ZBTB17: variants seen among roughly 807,000 people sequenced by gnomAD.
ZBTB17 encodes zinc finger and BTB domain containing 17.
ZBTB17 carries 24 observed loss-of-function variants against 85.1 expected under a neutral mutation model. The ratio of observed to expected loss-of-function variants is 0.28; its 90% confidence interval spans 0.20 to 0.40. ZBTB17 has a LOEUF of 0.40. Among genes scored for constraint, ZBTB17 ranks in the 10% least tolerant of loss-of-function variants. The pLI, the probability that ZBTB17 is intolerant of heterozygous loss-of-function variation, is 1.00. For missense variants in ZBTB17, 743 were observed against 1,105.1 expected (o/e 0.67, Z 4.65); for synonymous variants, 464 against 460.2 (o/e 1.01, Z -0.11).
In ZBTB17 at chr1:15,945,217, G is replaced by T; in HGVS notation, c.662-15C>A. ...CACCTCCATTTCTGCGGAGAAAAGGGCAAGCATGGAGGCGGCAGCCCTCTC... is the reference window on the plus strand; with the variant it reads ...CACCTCCATTTCTGCGGAGAAAAGGTCAAGCATGGAGGCGGCAGCCCTCTC... On this transcript the variant is annotated splice_polypyrimidine_tract_variant and intron_variant, in intron 6 of 15. Transcript: ENST00000375743. 2 of 1,550,018 alleles carry T rather than the reference G, an allele frequency of 1.3e-6. No individual in the cohort carries two copies. The highest frequency in any genetic ancestry group is 8.7e-7 in the Non-Finnish European group (1 of 1,146,812).
At position 15,945,875 on chromosome 1, in the gene ZBTB17, C is replaced by T. The variant is rs111380200; in HGVS notation, c.536-35G>A. On this transcript the variant is annotated intron_variant, in intron 5 of 15. Coordinates refer to ENST00000375743, the MANE Select transcript of ZBTB17 (RefSeq NM_003443.3). Reference sequence around the variant, plus strand: ...GGAAGCACCGGAGGCTGGATTGCTACCCTCTGCCCAGGGGTCGGATACCTC... The same window carrying T: ...GGAAGCACCGGAGGCTGGATTGCTATCCTCTGCCCAGGGGTCGGATACCTC... The T allele has an allele frequency of 1.8e-5, 29 of 1,574,552 alleles. No individual in the cohort carries two copies. The African/African-American group carries it at 2.0e-4, about 11-fold the overall frequency.
chr1:15,975,078 G>C (rs1211751239), intron 1 of ZBTB17, among the ~76,000 whole-genome samples: 1 of 152,224 alleles, frequency 6.6e-6, no homozygotes, highest in African/African-American at 2.4e-5. Flanking sequence ...GTGCTTCAGA[G>C]GAAGGAGGGC....
At chr1:15,968,469 A>C (rs1005203976) in intron 2 of ZBTB17, among the ~76,000 whole-genome samples, 2 of 152,212 alleles carry the variant, frequency 1.3e-5, no homozygotes, top group Non-Finnish European at 2.9e-5. Context: ...GCCTCGGATC[A>C]TAATTGAGGT....
At position 15,973,049 on chromosome 1, in the gene ZBTB17, C is replaced by T. The variant is rs2072740031; in HGVS notation, c.-13G>A. ...GTATTACAGACATACCTCAGATTTC[C>T]AGACAGCCCAGGCTACTCTTTTCTG... is the stretch of plus-strand genomic sequence containing the variant. On this transcript the variant is annotated 5_prime_UTR_variant, in exon 2 of 16. It introduces an in-frame stop codon into an upstream open reading frame of the 5' UTR. Coordinates refer to ENST00000375743, the MANE Select transcript of ZBTB17 (RefSeq NM_003443.3). This position sits in a 1 kb window ranked among gnomAD's most constrained non-coding sequence, Gnocchi z 4.1. The T allele has an allele frequency of 6.6e-6, 1 of 152,212 alleles. No homozygotes were observed. Among genetic ancestry groups the T allele is most frequent in the African/African-American group, 2.4e-5 (1 of 41,452 alleles). The allele number at this position is 152,212 out of a possible 1,614,324, so 9.4% of individuals were successfully genotyped here. A position where few individuals can be genotyped will look rare whatever the true frequency, so the allele number is the denominator to read the frequency against.
rs1177576538 is a variant in ZBTB17, at chr1:15,943,902, C to T, written c.1372-7G>A. On this transcript the variant is annotated splice_region_variant and splice_polypyrimidine_tract_variant and intron_variant, in intron 9 of 15. Transcript: ENST00000375743. ...GGGCCTTCAGGTTCCCTACCTGTGC[C>T]CAGGGAGGGGTCAGGGGGGCCACCC... 1 of 1,589,618 alleles carries T rather than the reference C, an allele frequency of 6.3e-7. No individual in the cohort carries two copies. The highest frequency in any genetic ancestry group is 1.3e-5 in the African/African-American group (1 of 74,474).
chr1:15,942,987 G>C, intron 13 of ZBTB17, 77 bp downstream of exon 13: 1 of 1,581,638 alleles, frequency 6.3e-7, no homozygotes, highest in Non-Finnish European at 8.6e-7. Context: ...GGGTCTGGGG[G>C]GTCCCTTCCT....
Position 15,944,586 on chromosome 1 carries a change from T to C in ZBTB17, c.1085A>G (p.Tyr362Cys). Reference protein sequence around the residue: ...HEKTHSPLKPYGCEECGKSYR... With the variant: ...HEKTHSPLKPCGCEECGKSYR... ...GCTCTTCCCGCACTCCTCGCAGCCG[T>C]AGGGCTTCAGAGGGCTGCAGGGCCA... Residue 362 changes from tyrosine (Y) to cysteine (C), a missense_variant, in exon 9 of 16, where the codon TAC becomes TGC. Tyr to Cys is a radical substitution (Grantham distance 194). Transcript: ENST00000375743. The C allele has an allele frequency of 1.3e-6, 2 of 1,599,266 alleles. No individual in the cohort carries two copies. Among genetic ancestry groups the C allele is most frequent in the Non-Finnish European group, 1.7e-6 (2 of 1,179,410 alleles).
intron 2 of ZBTB17, among the ~76,000 whole-genome samples, chr1:15,957,134 G>T (rs569968232): frequency 2.7e-5 from 4 of 150,292 alleles, no homozygotes; most frequent in Non-Finnish European, 3.0e-5. Context: ...AGCCAAGATC[G>T]TGCCACTGCA....
chr1:15,943,046 G>T lies in ZBTB17; in HGVS notation c.1828+18C>A. ...CAGGGCCTGGGAAGGAACAGGCATG[G>T]TAGGGGCCACAGCTCACCAGTGTGA... On this transcript the variant is annotated intron_variant, in intron 13 of 15. Coordinates refer to ENST00000375743, the MANE Select transcript of ZBTB17 (RefSeq NM_003443.3). The T allele has an allele frequency of 6.2e-7, 1 of 1,613,842 alleles. No individual in the cohort carries two copies. Among genetic ancestry groups the T allele is most frequent in the African/African-American group, 1.3e-5 (1 of 75,044 alleles).
chr1:15,954,504 C>G (rs1408271064), intron 2 of ZBTB17, among the ~76,000 whole-genome samples: 1 of 152,184 alleles, frequency 6.6e-6, no homozygotes, highest in African/African-American at 2.4e-5. Context: ...AGAAGGATCA[C>G]CATTTGGCTT....
chr1:15,970,783 G>A (rs922764870), intron 2 of ZBTB17, among the ~76,000 whole-genome samples: 11 of 152,076 alleles, frequency 7.2e-5, no homozygotes, highest in Non-Finnish European at 1.6e-4. Context: ...TCCTGACCTC[G>A]TGATCCACCC....
chr1:15,969,792 G>A (rs577330627), intron 2 of ZBTB17: 2 of 527,142 alleles, frequency 3.8e-6, no homozygotes, highest in South Asian at 3.1e-5. Context: ...GAGAGGGGAT[G>A]TGCATCCCTC....
chr1:15,957,789 G>A (rs1038821176), intron 2 of ZBTB17, among the ~76,000 whole-genome samples: 1 of 152,114 alleles, frequency 6.6e-6, no homozygotes. Context: ...AAGCAGATGT[G>A]CGTTGTGACA....
At chr1:15,956,080 CAG>C (rs1450710505) in intron 2 of ZBTB17, among the ~76,000 whole-genome samples, 1 of 152,238 alleles carries the variant, frequency 6.6e-6, no homozygotes, top group Non-Finnish European at 1.5e-5. Context: ...AAGCTCAACA[CAG>C]GGTAAATTAA....
intron 2 of ZBTB17, 21 bp from the exon 3 acceptor site, chr1:15,948,518 T>G (rs547219142): frequency 6.2e-7 from 1 of 1,610,418 alleles, no homozygotes; most frequent in African/African-American, 1.3e-5. Context: ...CCAAAGGGCG[T>G]TGGGGTTAGC....
At chr1:15,969,532 T>G (rs1411640197) in intron 2 of ZBTB17, 1 of 344,396 alleles carries the variant, frequency 2.9e-6, no homozygotes, top group South Asian at 2.2e-5. Context: ...GAGGCAGTAG[T>G]GTGGGGACTC....
At chr1:15,962,937 G>A (rs980567040) in intron 2 of ZBTB17, among the ~76,000 whole-genome samples, 3 of 151,976 alleles carry the variant, frequency 2.0e-5, no homozygotes, top group Non-Finnish European at 4.4e-5. Context: ...GAGCAACAGC[G>A]AGACCCTGTT....
At chr1:15,946,420 T>A in intron 4 of ZBTB17, 126 bp from the exon 5 acceptor site, 1 of 1,428,886 alleles carries the variant, frequency 7.0e-7, no homozygotes, top group Non-Finnish European at 9.4e-7. Context: ...AGTGGTTTGC[T>A]GATTTGTTCA....
Position 15,945,031 on chromosome 1 carries a change from T to G in ZBTB17, c.833A>C (p.Gln278Pro). 6.2e-7 allele frequency: 1 copy of G among 1,607,354 alleles called. No homozygotes were observed. Among genetic ancestry groups the G allele is most frequent in the African/African-American group, 1.3e-5 (1 of 74,946 alleles). Residue 278 changes from glutamine (Q) to proline (P), a missense_variant, in exon 7 of 16, where the codon CAG (glutamine) becomes CCG (proline). By Grantham distance (76) the Gln-to-Pro change is moderately conservative. Coordinates refer to ENST00000375743, the MANE Select transcript of ZBTB17 (RefSeq NM_003443.3). ...NEESAGTDSGQELGSEARGLR... is the reference protein window; with the variant it reads ...NEESAGTDSGPELGSEARGLR... ...GCCCCGGGCCTCGGAGCCGAGCTCC[T>G]GCCCCGAGTCTGTGCCCGCTGACTC...
Sources: allele counts gnomAD v4.1 joint callset (sites outside exome capture counted in the v4.1 genomes callset), GRCh38; gene constraint gnomAD v4.1.1; non-coding constraint Gnocchi (gnomAD v3.1); transcripts MANE v1.5; gene names NCBI Gene and HGNC (gene_info 2026-07-23, HGNC 2026-07-21).